Variants in ZCCHC7 observed in about 807,000 individuals in gnomAD.
ZCCHC7 encodes zinc finger CCHC-type containing 7.
ZCCHC7 carries 35 observed loss-of-function variants against 52.0 expected under a neutral mutation model. The ratio of observed to expected loss-of-function variants is 0.67; its 90% CI spans 0.51 to 0.89. The LOEUF is 0.89. ZCCHC7 is among the 40% of genes least tolerant of loss of function. The probability of loss-of-function intolerance (pLI) is 0.00; values close to 1 mark genes in which losing one functional copy is unlikely to be tolerated. For synonymous variants in ZCCHC7, 217 were observed against 221.5 expected (o/e 0.98, Z 0.18); for missense variants, 574 against 649.1 (o/e 0.88, Z 1.26).
intron 2 of ZCCHC7, among the ~76,000 whole-genome samples, chr9:37,235,527 TTCCCCTCCCCCCTCCCCTCCCC>T (rs1825605667): frequency 1.7e-5 from 1 of 58,578 alleles, no homozygotes; most frequent in African/African-American, 6.8e-5. Flanking sequence ...CTCCCCTCCC[TTCCCCTCCCCCCTCCCCTCCCC>T]TCCCCTCCCC....
At chr9:37,250,618 C>T (rs1826285567) in intron 2 of ZCCHC7, among the ~76,000 whole-genome samples, 4 of 152,122 alleles carry the variant, frequency 2.6e-5, no homozygotes, top group Non-Finnish European at 2.9e-5. Context: ...CTCTCTCTCT[C>T]ACTTGACTTT....
chr9:37,350,694 G>T (rs537355216), intron 7 of ZCCHC7, among the ~76,000 whole-genome samples: 1 of 152,354 alleles, frequency 6.6e-6, no homozygotes, highest in African/African-American at 2.4e-5. Context: ...CTGGGCATGA[G>T]GCCACTAGGC....
chr9:37,151,984 A>C (rs1820556283), intron 2 of ZCCHC7, among the ~76,000 whole-genome samples: 1 of 152,090 alleles, frequency 6.6e-6, no homozygotes, highest in African/African-American at 2.4e-5. Context: ...AAGTCTCATA[A>C]ATCTTCCTCC....
At chr9:37,231,138 G>T (rs1825383739) in intron 2 of ZCCHC7, among the ~76,000 whole-genome samples, 1 of 152,072 alleles carries the variant, frequency 6.6e-6, no homozygotes, top group Non-Finnish European at 1.5e-5. Flanking sequence ...TAGAGACAGG[G>T]TTTTGCCATG....
chr9:37,290,879 C>T lies in ZCCHC7; in HGVS notation c.611-11309C>T, dbSNP rs113403626. ...CATCCTAGGAATAATTTTATCATTA[C>T]TTATTCATTATTTCCAGTTGTACTG... On this transcript the variant is annotated intron_variant, in intron 2 of 8. Transcript: ENST00000336755. Among the ~76,000 whole-genome samples the T allele has an allele frequency of 5.9e-5, 9 of 152,192 alleles. 1 individual carries two copies. Among genetic ancestry groups the T allele is most frequent in the African/African-American group, 1.9e-4 (8 of 41,512 alleles).
chr9:37,296,931 C>T (rs1034375650), intron 2 of ZCCHC7, among the ~76,000 whole-genome samples: 4 of 64,340 alleles, frequency 6.2e-5, no homozygotes, highest in African/African-American at 1.4e-4. Context: ...GTGTGTGTTT[C>T]GTAGAGATGA....
chr9:37,331,564 G>T (rs1441995591), intron 6 of ZCCHC7, among the ~76,000 whole-genome samples: 1 of 151,538 alleles, frequency 6.6e-6, no homozygotes, highest in African/African-American at 2.4e-5. Context: ...AGGTGGTTTT[G>T]GTTCTGAGAC....
chr9:37,337,864 A>G (rs1435065500), intron 6 of ZCCHC7, among the ~76,000 whole-genome samples: 1 of 152,142 alleles, frequency 6.6e-6, no homozygotes, highest in Admixed American at 6.6e-5. Flanking sequence ...GTCTCTGGGG[A>G]TTAAGAAGGA....
At chr9:37,191,300 G>A (rs1185910323) in intron 2 of ZCCHC7, among the ~76,000 whole-genome samples, 3 of 152,018 alleles carry the variant, frequency 2.0e-5, no homozygotes, top group African/African-American at 7.2e-5. Context: ...CTTTTTGTTT[G>A]TTGTACTTAT....
Position 37,357,242 on chromosome 9 carries a change from A to G in ZCCHC7, c.1606A>G (p.Ile536Val), listed in dbSNP as rs185040893. Residue 536 changes from isoleucine (I) to valine (V), a missense_variant, in exon 9 of 9, where the codon ATT (isoleucine) becomes GTT (valine). Physicochemically the swap from Ile to Val is conservative, Grantham distance 29 (BLOSUM62 3). This residue lies in a region of ZCCHC7 where 168 missense variants were observed against 171.6 expected (regional missense o/e 0.98). Transcript: ENST00000336755. ...TGATGACAATGATAACTTATTTCTT[A>G]TTAAGCAGAGAAAAAAAAAGTCTTA... ...EDDDNDNLFL[I>V]KQRKKKS 1 of 1,598,370 alleles carries G rather than the reference A, an allele frequency of 6.3e-7. No homozygotes were observed. The highest frequency in any genetic ancestry group is 1.4e-5 in the African/African-American group (1 of 73,800).
chr9:37,159,479 T>C (rs528770359), intron 2 of ZCCHC7, among the ~76,000 whole-genome samples: 1 of 152,188 alleles, frequency 6.6e-6, no homozygotes, highest in Non-Finnish European at 1.5e-5. Flanking sequence ...AGATGTTATT[T>C]TTGAACTCAA....
intron 2 of ZCCHC7, among the ~76,000 whole-genome samples, chr9:37,148,972 G>A (rs937458613): frequency 1.3e-5 from 2 of 152,056 alleles, no homozygotes; most frequent in African/African-American, 4.8e-5. Flanking sequence ...GATTTTAAAT[G>A]GTAATGAACT....
At chr9:37,225,401 A>G (rs1369167428) in intron 2 of ZCCHC7, among the ~76,000 whole-genome samples, 2 of 152,198 alleles carry the variant, frequency 1.3e-5, no homozygotes, top group East Asian at 1.9e-4. Context: ...ATTCTTTACA[A>G]ACTCTTCCAG....
At position 37,145,862 on chromosome 9, in the gene ZCCHC7, C is replaced by T. The variant is rs1843409367; in HGVS notation, c.610+18920C>T. 1.3e-5 allele frequency among the ~76,000 whole-genome samples: 2 copies of T among 151,786 alleles called. 1 individual carries two copies. Among genetic ancestry groups the T allele is most frequent in the South Asian group, 4.1e-4 (2 of 4,826 alleles). On this transcript the variant is annotated intron_variant, in intron 2 of 8. Coordinates refer to ENST00000336755, the MANE Select transcript of ZCCHC7 (RefSeq NM_032226.3). ...ATTGGAGATGCTGATCTGTTAAAAG[C>T]AAGGAATATAACCCAAAATTAAAAT...
intron 6 of ZCCHC7, among the ~76,000 whole-genome samples, chr9:37,343,387 A>G (rs977626517): frequency 6.6e-6 from 1 of 152,174 alleles, no homozygotes; most frequent in African/African-American, 2.4e-5. Context: ...ACTTAATTCC[A>G]TTTTGTAGGC....
At chr9:37,265,127 ATACTCT>A (rs1355326832) in intron 2 of ZCCHC7, among the ~76,000 whole-genome samples, 1 of 152,188 alleles carries the variant, frequency 6.6e-6, no homozygotes, top group African/African-American at 2.4e-5. Flanking sequence ...TCCCTAGGTA[ATACTCT>A]TTGAGAAAGG....
chr9:37,201,644 A>C (rs759276663), intron 2 of ZCCHC7, among the ~76,000 whole-genome samples: 1 of 152,216 alleles, frequency 6.6e-6, no homozygotes, highest in Non-Finnish European at 1.5e-5. Context: ...TAAGAAGTGA[A>C]TATGTTTAAA....
chr9:37,247,834 A>G (rs138645038), intron 2 of ZCCHC7, among the ~76,000 whole-genome samples: 185 of 152,156 alleles, frequency 1.2e-3, no homozygotes, highest in African/African-American at 4.2e-3. Flanking sequence ...CCGGGAAGTC[A>G]AGGCTGCAGT....
At position 37,357,443 on chromosome 9, in the gene ZCCHC7, G is replaced by A; in HGVS notation, c.*175G>A. ...ATCCATGGAGATCTCAATTCTCTGT[G>A]TCCAACAGGATATTAGGTAAGAAAG... On this transcript the variant is annotated 3_prime_UTR_variant, in exon 9 of 9. Transcript: ENST00000336755. 3.9e-6 allele frequency: 2 copies of A among 511,356 alleles called. No individual in the cohort carries two copies. Among genetic ancestry groups the A allele is most frequent in the Non-Finnish European group, 6.5e-6 (2 of 307,256 alleles). 31.7% of individuals were successfully genotyped at this position (511,356 alleles called of 1,614,324 possible). A position where few individuals can be genotyped will look rare whatever the true frequency, so the allele number is the denominator to read the frequency against.
Sources: allele counts gnomAD v4.1 joint callset (sites outside exome capture counted in the v4.1 genomes callset), GRCh38; gene constraint gnomAD v4.1.1; regional missense constraint gnomAD v4.1.1; transcripts MANE v1.5; gene names NCBI Gene and HGNC (gene_info 2026-07-23, HGNC 2026-07-21).